The following CSMD1 variants were observed in gnomAD, a reference collection of about 807,000 sequenced individuals.
CSMD1 encodes CUB and Sushi multiple domains 1.
CSMD1 carries 213 observed loss-of-function variants against 417.5 expected under a neutral mutation model. The ratio of observed to expected loss-of-function variants is 0.51; its 90% CI spans 0.46 to 0.57. The LOEUF (loss-of-function observed/expected upper bound fraction) is 0.57, where lower values mean the gene tolerates loss of function less well. Among genes scored for constraint, CSMD1 ranks in the 20% least tolerant of loss-of-function variants. CSMD1 has a pLI of 0.00. For missense variants in CSMD1, 6,923 were observed against 4,529.7 expected (o/e 1.53, Z -15.17); for synonymous variants, 2,862 against 1,736.8 (o/e 1.65, Z -16.11).
intron 3 of CSMD1, among the ~76,000 whole-genome samples, chr8:4,041,151 G>A (rs1334345427): frequency 6.6e-6 from 1 of 151,412 alleles, no homozygotes; most frequent in African/African-American, 2.4e-5. Flanking sequence ...CGAGTAGCTG[G>A]GACTACAGGC....
intron 2 of CSMD1, among the ~76,000 whole-genome samples, chr8:4,622,065 C>T (rs1006047745): frequency 6.6e-6 from 1 of 150,958 alleles, no homozygotes; most frequent in African/African-American, 2.4e-5. Flanking sequence ...CTACAAGCAA[C>T]ATATTAGTGC....
intron 5 of CSMD1, among the ~76,000 whole-genome samples, chr8:3,974,427 T>C (rs139365276): frequency 5.4e-4 from 82 of 152,158 alleles, no homozygotes; most frequent in Non-Finnish European, 1.0e-3. Context: ...GACCAGGATA[T>C]TCATAAGGGT....
chr8:3,669,526 T>A (rs565130598), intron 7 of CSMD1, among the ~76,000 whole-genome samples: 1 of 152,156 alleles, frequency 6.6e-6, no homozygotes, highest in African/African-American at 2.4e-5. Flanking sequence ...AGTTAATGAA[T>A]CTTGAATGGA....
chr8:4,676,557 T>C (rs1347974525), intron 1 of CSMD1, among the ~76,000 whole-genome samples: 1 of 152,176 alleles, frequency 6.6e-6, no homozygotes, highest in African/African-American at 2.4e-5. Flanking sequence ...CTAGCACCAG[T>C]TTAGCACAAG....
At chr8:3,336,483 A>C (rs936183281) in intron 23 of CSMD1, among the ~76,000 whole-genome samples, 3 of 152,242 alleles carry the variant, frequency 2.0e-5, no homozygotes, top group African/African-American at 7.2e-5. Flanking sequence ...AAGTTAGAAA[A>C]GTAAACTATT....
At chr8:4,390,464 G>C (rs945847135) in intron 3 of CSMD1, among the ~76,000 whole-genome samples, 1 of 143,052 alleles carries the variant, frequency 7.0e-6, no homozygotes, top group Non-Finnish European at 1.5e-5. Context: ...CACCAACATA[G>C]TTAAGAAAAC....
intron 7 of CSMD1, among the ~76,000 whole-genome samples, chr8:3,657,788 T>C (rs149798303): frequency 1.3e-3 from 198 of 152,210 alleles, no homozygotes; most frequent in African/African-American, 4.5e-3. Context: ...GGCACGTGTA[T>C]AACTATGTAA....
At chr8:4,476,900 G>T (rs1026681165) in intron 2 of CSMD1, among the ~76,000 whole-genome samples, 1 of 152,190 alleles carries the variant, frequency 6.6e-6, no homozygotes, top group Admixed American at 6.5e-5. Flanking sequence ...AAAAATCCCA[G>T]GGAATCAAGG....
rs1585371684 is a variant in CSMD1 at position 4,637,531 on chromosome 8, C to T, written c.113G>A (p.Gly38Asp). The T allele has an allele frequency of 6.2e-7, 1 of 1,613,396 alleles. No individual in the cohort carries two copies. Among genetic ancestry groups the T allele is most frequent in the Non-Finnish European group, 8.5e-7 (1 of 1,179,708 alleles). ...TGGGCTCTCAATAGTGCCATTGGGA[C>T]CCTGGACTAAGCCTCCACAGTTCTG... is the stretch of plus-strand genomic sequence containing the variant. ...KGQNCGGLVQ[G>D]PNGTIESPGF... Residue 38 changes from glycine (G) to aspartate (D), a missense_variant, in exon 2 of 70, where the codon GGT becomes GAT. Physicochemically the swap from Gly to Asp is moderately conservative, Grantham distance 94. Coordinates refer to ENST00000635120, the MANE Select transcript of CSMD1 (RefSeq NM_033225.6).
intron 1 of CSMD1, among the ~76,000 whole-genome samples, chr8:4,915,778 C>A (rs796514948): frequency 2.0e-5 from 3 of 152,242 alleles, no homozygotes; most frequent in South Asian, 4.1e-4. Flanking sequence ...AAACTTTTAG[C>A]AGAGACACTT....
intron 52 of CSMD1, among the ~76,000 whole-genome samples, chr8:3,012,673 C>A (rs1275914437): frequency 6.6e-6 from 1 of 152,212 alleles, no homozygotes; most frequent in Non-Finnish European, 1.5e-5. Flanking sequence ...AAAGTGGACC[C>A]TGCTTTTGCA....
In CSMD1 at chr8:4,364,780, C is replaced by G. The variant is rs918689825; in HGVS notation, c.415+55173G>C. ...GCGGAGCTTGCAGTGAGCCGAGATCCCGCCACTGCACTCCAGCCTGCGCGA... is the reference window on the plus strand; with the variant it reads ...GCGGAGCTTGCAGTGAGCCGAGATCGCGCCACTGCACTCCAGCCTGCGCGA... On this transcript the variant is annotated intron_variant, in intron 3 of 69. Coordinates refer to ENST00000635120, the MANE Select transcript of CSMD1 (RefSeq NM_033225.6). Among the ~76,000 whole-genome samples, 8 of 15,380 alleles carry G rather than the reference C, an allele frequency of 5.2e-4. 2 individuals are homozygous for G. In the Admixed American group the frequency reaches 6.4e-3, roughly 12 times the overall value. The allele number at this position is 15,380 out of a possible 152,430, so 10.1% of individuals were successfully genotyped here. A position where few individuals can be genotyped will look rare whatever the true frequency, so the allele number is the denominator to read the frequency against.
At position 3,952,079 on chromosome 8, in the gene CSMD1, A is replaced by C. The variant is rs924798286; in HGVS notation, c.818+45824T>G. ...GTAAAATTCATTAGTTGTTTGAATA[A>C]AAATAAAAATCTTTAAATTTCCGAC... On this transcript the variant is annotated intron_variant, in intron 5 of 69. Coordinates refer to ENST00000635120, the MANE Select transcript of CSMD1 (RefSeq NM_033225.6). 2.0e-5 allele frequency among the ~76,000 whole-genome samples: 3 copies of C among 152,194 alleles called. No homozygotes were observed. The East Asian group carries it at 5.8e-4, about 29-fold the overall frequency.
At chr8:4,033,593 T>A (rs768316173) in intron 3 of CSMD1, among the ~76,000 whole-genome samples, 1 of 152,194 alleles carries the variant, frequency 6.6e-6, no homozygotes, top group African/African-American at 2.4e-5. Flanking sequence ...TGTGTAAAAC[T>A]AAGTTGTGGC....
intron 3 of CSMD1, among the ~76,000 whole-genome samples, chr8:4,209,062 A>C (rs972788544): frequency 6.6e-6 from 1 of 152,060 alleles, no homozygotes; most frequent in Non-Finnish European, 1.5e-5. Context: ...TTGCTTCTTG[A>C]ATTTTTCTTT....
In CSMD1 at chr8:3,507,870, C is replaced by A. The variant is rs577851053; in HGVS notation, c.1345-14144G>T. On this transcript the variant is annotated intron_variant, in intron 10 of 69. Transcript: ENST00000635120. Reference sequence around the variant, plus strand: ...ATGGGGTTGTTTGTTTTTTTTCTTGCAAATTTGTTTGAGTTCATTGTAGAT... The same window carrying A: ...ATGGGGTTGTTTGTTTTTTTTCTTGAAAATTTGTTTGAGTTCATTGTAGAT... Among the ~76,000 whole-genome samples, 653 of 151,834 alleles carry A rather than the reference C, an allele frequency of 4.3e-3. 5 individuals are homozygous for A. Among genetic ancestry groups the A allele is most frequent in the African/African-American group, 0.015 (604 of 41,454 alleles).
chr8:4,070,461 C>T (rs1480455146), intron 3 of CSMD1, among the ~76,000 whole-genome samples: 1 of 152,070 alleles, frequency 6.6e-6, no homozygotes. Flanking sequence ...GGGTTCACAC[C>T]ATTCTCCCAC....
At chr8:4,375,607 G>T (rs1197684348) in intron 3 of CSMD1, among the ~76,000 whole-genome samples, 3 of 152,100 alleles carry the variant, frequency 2.0e-5, no homozygotes, top group Admixed American at 6.6e-5. Context: ...AGGCTCACTG[G>T]CTAACAGCCA....
At chr8:3,730,586 G>T (rs1197811801) in intron 6 of CSMD1, among the ~76,000 whole-genome samples, 1 of 152,008 alleles carries the variant, frequency 6.6e-6, no homozygotes, top group Non-Finnish European at 1.5e-5. Flanking sequence ...CACACTATAT[G>T]GTTTCAGTGC....
Sources: gnomAD v4.1 joint callset for allele counts (sites outside exome capture counted in the v4.1 genomes callset) on GRCh38, gnomAD v4.1.1 for gene constraint, MANE v1.5 for transcripts, NCBI Gene and HGNC (gene_info 2026-07-23, HGNC 2026-07-21) for gene names.